Variants in RARB observed in about 807,000 individuals in gnomAD.
RARB encodes the protein retinoic acid receptor beta.
In RARB, 17 loss-of-function variants were observed where a neutral mutation model predicts 51.9. That is an observed-to-expected ratio of 0.33 (90% CI 0.22 to 0.49). The LOEUF (loss-of-function observed/expected upper bound fraction) is 0.49, where lower values mean the gene tolerates loss of function less well. Ranked by LOEUF, RARB falls within the 20% of genes least tolerant of loss-of-function variation. The pLI is 0.99. For synonymous variants in RARB, 215 were observed against 195.4 expected (o/e 1.10, Z -0.84); for missense variants, 369 against 550.8 (o/e 0.67, Z 3.30).
intron 2 of RARB, among the ~76,000 whole-genome samples, chr3:24,881,964 AAAG>A (rs1454990736): frequency 6.6e-6 from 1 of 152,222 alleles, no homozygotes; most frequent in East Asian, 1.9e-4. Flanking sequence ...TTTATGAAAA[AAAG>A]ATACGTAATT....
intron 2 of RARB, among the ~76,000 whole-genome samples, chr3:24,888,689 A>G (rs562512597): frequency 1.3e-5 from 2 of 152,274 alleles, no homozygotes; most frequent in South Asian, 2.1e-4. Flanking sequence ...ATAATGATGG[A>G]AAATAAAGGC....
chr3:25,423,303 A>G (rs946189393), upstream of RARB, among the ~76,000 whole-genome samples: 1 of 152,246 alleles, frequency 6.6e-6, no homozygotes, highest in Non-Finnish European at 1.5e-5. Context: ...AAAAAAGTAG[A>G]AACAACCTAA....
chr3:25,101,929 A>G lies in RARB; in HGVS notation c.-327-30232A>G, dbSNP rs1034710215. On this transcript the variant is annotated intron_variant, in intron 3 of 11. Transcript: ENST00000383772. ...TCTTTGTTTTGATTTGTAACTCTTT[A>G]AAATAATTCAGAGTAAAGGGTGAAC... Among the ~76,000 whole-genome samples, 4 of 152,220 alleles carry G rather than the reference A, an allele frequency of 2.6e-5. No homozygotes were observed. The Middle Eastern group carries it at 0.014, about 518-fold the overall frequency.
chr3:25,235,052 T>C (rs904915019), intron 5 of RARB, among the ~76,000 whole-genome samples: 1 of 152,104 alleles, frequency 6.6e-6, no homozygotes, highest in Non-Finnish European at 1.5e-5. Context: ...TGGCCAGAAA[T>C]AGGAGTTTCT....
chr3:25,320,838 G>A (rs763393516), intron 5 of RARB, among the ~76,000 whole-genome samples: 7 of 152,138 alleles, frequency 4.6e-5, no homozygotes, highest in Non-Finnish European at 8.8e-5. Context: ...CTTCAGTCTT[G>A]CAGCGTATAG....
intron 3 of RARB, among the ~76,000 whole-genome samples, chr3:25,074,202 C>T (rs933817725): frequency 2.6e-5 from 4 of 152,176 alleles, no homozygotes; most frequent in African/African-American, 4.8e-5. Context: ...ATAGTGTTTC[C>T]TCCCCATAAG....
intron 3 of RARB, among the ~76,000 whole-genome samples, chr3:25,119,659 CAA>C (rs372975404): frequency 1.5e-5 from 2 of 134,152 alleles, no homozygotes; most frequent in African/African-American, 5.8e-5. Context: ...AACAAACAAA[CAA>C]AAAAAAAACA....
At chr3:25,105,542 T>C (rs1380663840) in intron 3 of RARB, among the ~76,000 whole-genome samples, 1 of 152,180 alleles carries the variant, frequency 6.6e-6, no homozygotes, top group Non-Finnish European at 1.5e-5. Flanking sequence ...GGCCTTTATC[T>C]TGTGAATAAT....
At chr3:25,482,521 A>ATTTTTTTTTTTTTTTTTTTTTTTTT (rs71087718) in intron 2 of RARB, among the ~76,000 whole-genome samples, 1 of 65,752 alleles carries the variant, frequency 1.5e-5, no homozygotes, top group African/African-American at 7.0e-5. Context: ...TAGCAGCCAA[A>ATTTTTTTTTTTTTTTTTTTTTTTTT]TTTTTTTTTT....
chr3:25,571,684 G>A (rs1414671962), intron 4 of RARB, among the ~76,000 whole-genome samples: 1 of 152,202 alleles, frequency 6.6e-6, no homozygotes, highest in Admixed American at 6.5e-5. Flanking sequence ...TGTACTTCAA[G>A]TCCTACTCAG....
At chr3:25,156,021 G>A (rs1257605459) in intron 4 of RARB, among the ~76,000 whole-genome samples, 1 of 152,092 alleles carries the variant, frequency 6.6e-6, no homozygotes, top group African/African-American at 2.4e-5. Flanking sequence ...TTCTCTGTGT[G>A]CTTGATTTTT....
At chr3:24,890,945 G>T (rs1348823037) in intron 2 of RARB, among the ~76,000 whole-genome samples, 2 of 152,176 alleles carry the variant, frequency 1.3e-5, no homozygotes, top group East Asian at 3.9e-4. Flanking sequence ...TGCAAAATGG[G>T]GATAATTAGA....
chr3:24,853,432 C>T (rs1443677345), intron 1 of RARB, among the ~76,000 whole-genome samples: 1 of 152,150 alleles, frequency 6.6e-6, no homozygotes, highest in Non-Finnish European at 1.5e-5. Flanking sequence ...TTACGGCTAT[C>T]TAAAATGTGT....
At chr3:25,086,574 T>A (rs1404667396) in intron 3 of RARB, among the ~76,000 whole-genome samples, 5 of 152,152 alleles carry the variant, frequency 3.3e-5, no homozygotes, top group African/African-American at 2.4e-5. Flanking sequence ...TCTGAGAACA[T>A]GTGTCCAAGG....
At chr3:24,914,347 A>G (rs192838650) in intron 2 of RARB, among the ~76,000 whole-genome samples, 254 of 152,240 alleles carry the variant, frequency 1.7e-3, no homozygotes, top group African/African-American at 5.6e-3. Flanking sequence ...CAAAGCTTTT[A>G]AAGGTGGGGA....
chr3:24,834,931 TC>T (rs774207323), intron 1 of RARB, among the ~76,000 whole-genome samples: 108 of 152,242 alleles, frequency 7.1e-4, no homozygotes, highest in Non-Finnish European at 1.2e-3. Context: ...TTCCTTTTTT[TC>T]CCCTATTTAT....
rs112322445 is a variant in RARB at position 25,222,975 on chromosome 3, T to C, written c.178+48400T>C. 8.3e-3 allele frequency among the ~76,000 whole-genome samples: 1,269 copies of C among 152,346 alleles called. 28 individuals carry two copies. Among genetic ancestry groups the C allele is most frequent in the African/African-American group, 0.028 (1,153 of 41,574 alleles). ...ACCGTTTAATATCACTTCTGTCTTC[T>C]GAACTTTTTTAAGAAGGTAGATAGA... On this transcript the variant is annotated intron_variant, in intron 5 of 11. Coordinates refer to the RARB transcript ENST00000383772.
intron 5 of RARB, among the ~76,000 whole-genome samples, chr3:25,378,552 TTGAG>T (rs1706534490): frequency 6.6e-6 from 1 of 152,194 alleles, no homozygotes; most frequent in Non-Finnish European, 1.5e-5. Flanking sequence ...GGCTAGAAGA[TTGAG>T]AGAGAAACCT....
chr3:25,171,159 A>T (rs971517838), intron 4 of RARB, among the ~76,000 whole-genome samples: 11 of 152,056 alleles, frequency 7.2e-5, no homozygotes, highest in African/African-American at 2.7e-4. Context: ...TGGCTGGTAG[A>T]TCCAAGACCT....
Sources: gnomAD v4.1 joint callset for allele counts (sites outside exome capture counted in the v4.1 genomes callset) on GRCh38, gnomAD v4.1.1 for gene constraint, MANE v1.5 for transcripts, NCBI Gene and HGNC (gene_info 2026-07-23, HGNC 2026-07-21) for gene names.